ETS1: variants seen among roughly 807,000 people sequenced by gnomAD.
The protein encoded by ETS1 is ETS proto-oncogene 1, transcription factor.
Under a neutral mutation model 58.6 loss-of-function variants are expected in ETS1, and 15 were observed. That is an observed-to-expected ratio of 0.26 (90% CI 0.17 to 0.39). The LOEUF is 0.39. Ranked by LOEUF, ETS1 falls within the 10% of genes least tolerant of loss-of-function variation. The probability of loss-of-function intolerance (pLI) is 1.00; values close to 1 mark genes in which losing one functional copy is unlikely to be tolerated. For missense variants in ETS1, 417 were observed against 610.5 expected, an observed-to-expected ratio of 0.68 and a Z score of 3.34; for synonymous variants, 214 against 218.2, an observed-to-expected ratio of 0.98 and a Z score of 0.17.
intron 3 of ETS1, among the ~76,000 whole-genome samples, chr11:128,509,680 A>G (rs1378043302): frequency 6.6e-6 from 1 of 152,034 alleles, no homozygotes. Flanking sequence ...CACATCACAC[A>G]GAAGAATGTG....
chr11:128,478,044 A>C (rs1363265291), intron 8 of ETS1, among the ~76,000 whole-genome samples: 1 of 152,222 alleles, frequency 6.6e-6, no homozygotes. Context: ...TGTTTTCTGG[A>C]CTATTATTCT....
chr11:128,576,814 C>T (rs760107916), intron 1 of ETS1, among the ~76,000 whole-genome samples: 13 of 152,066 alleles, frequency 8.5e-5, no homozygotes, highest in South Asian at 6.2e-4. Flanking sequence ...CATGTTACCC[C>T]CTCTGCTAGG....
At chr11:128,539,189 A>G (rs10750400) in intron 3 of ETS1, among the ~76,000 whole-genome samples, 89,568 of 152,126 alleles carry the variant, frequency 0.59, 26,906 homozygotes, top group East Asian at 0.82. Flanking sequence ...ACAAAGAAAA[A>G]ATAGATAAAT....
At chr11:128,466,215 A>G (rs1214325615) in intron 8 of ETS1, among the ~76,000 whole-genome samples, 4 of 152,190 alleles carry the variant, frequency 2.6e-5, no homozygotes, top group African/African-American at 7.2e-5. Context: ...CCATTATGTT[A>G]CATTACTTCA....
At chr11:128,514,906 T>C (rs1394315654) in intron 3 of ETS1, among the ~76,000 whole-genome samples, 2 of 152,228 alleles carry the variant, frequency 1.3e-5, no homozygotes, top group African/African-American at 4.8e-5. Context: ...CGTTCATCTT[T>C]AGTTTTACAA....
At chr11:128,583,166 C>T (rs781653372) in intron 1 of ETS1, among the ~76,000 whole-genome samples, 9 of 152,192 alleles carry the variant, frequency 5.9e-5, no homozygotes, top group Non-Finnish European at 1.2e-4. Context: ...AGCAAGGCAG[C>T]GCTGGACTAA....
At chr11:128,560,412 C>T (rs1000212773) in intron 2 of ETS1, among the ~76,000 whole-genome samples, 1 of 152,186 alleles carries the variant, frequency 6.6e-6, no homozygotes, top group African/African-American at 2.4e-5. Context: ...CGCGCCCGGC[C>T]GAGATGGTCA....
chr11:128,566,578 T>G (rs962693927), intron 2 of ETS1, among the ~76,000 whole-genome samples: 3 of 151,982 alleles, frequency 2.0e-5, no homozygotes, highest in African/African-American at 7.2e-5. Flanking sequence ...GGTCAGGAGA[T>G]CGAGACCATC....
At chr11:128,543,362 C>G (rs534603621) in intron 3 of ETS1, among the ~76,000 whole-genome samples, 1 of 152,222 alleles carries the variant, frequency 6.6e-6, no homozygotes, top group South Asian at 2.1e-4. Flanking sequence ...TTCTCTCCCC[C>G]ATCTTTGCAG....
chr11:128,521,965 A>G (rs1221898538), intron 3 of ETS1: 5 of 1,603,156 alleles, frequency 3.1e-6, no homozygotes, highest in Non-Finnish European at 4.3e-6. Flanking sequence ...TGATGGTGAG[A>G]GTCGGCTTGA....
At chr11:128,503,053 G>A (rs367762544) in intron 3 of ETS1, among the ~76,000 whole-genome samples, 2 of 152,224 alleles carry the variant, frequency 1.3e-5, no homozygotes, top group African/African-American at 2.4e-5. Context: ...TCAACAAAGA[G>A]ATCCCCTGAG....
intron 1 of ETS1, among the ~76,000 whole-genome samples, chr11:128,583,562 G>C (rs757396912): frequency 6.6e-6 from 1 of 152,078 alleles, no homozygotes; most frequent in Non-Finnish European, 1.5e-5. Flanking sequence ...AGACTCACAT[G>C]TTTTGGAAAC....
chr11:128,556,240 C>G, intron 3 of ETS1, 51 bp downstream of exon 3: 1 of 1,510,224 alleles, frequency 6.6e-7, no homozygotes, highest in Non-Finnish European at 9.0e-7. Flanking sequence ...CATCACATTT[C>G]CATTGTCCTT....
rs531860896 is a variant in ETS1 at position 128,491,956 on chromosome 11, T to A, written c.215-1380A>T. Among the ~76,000 whole-genome samples the A allele has an allele frequency of 9.8e-5, 15 of 152,366 alleles. No individual in the cohort carries two copies. The South Asian group carries it at 3.1e-3, about 32-fold the overall frequency. ...CTGTATTTGCAGACCATGTTCACGA[T>A]GTTGGTACATAAATACAGCTGAACG... is the stretch of plus-strand genomic sequence containing the variant. On this transcript the variant is annotated intron_variant, in intron 3 of 9. Coordinates refer to ENST00000392668, the MANE Select transcript of ETS1 (RefSeq NM_001143820.2).
intron 3 of ETS1, among the ~76,000 whole-genome samples, chr11:128,507,360 G>A (rs1863269700): frequency 6.6e-6 from 1 of 152,180 alleles, no homozygotes; most frequent in Non-Finnish European, 1.5e-5. Flanking sequence ...TCAGCGACGG[G>A]TGGTGTGGCA....
At chr11:128,500,509 C>T (rs1319373341) in intron 3 of ETS1, among the ~76,000 whole-genome samples, 2 of 151,950 alleles carry the variant, frequency 1.3e-5, no homozygotes, top group Non-Finnish European at 2.9e-5. Context: ...GAAGCTGAAA[C>T]CCCACATGTC....
intron 2 of ETS1, among the ~76,000 whole-genome samples, chr11:128,571,466 C>G (rs1864628352): frequency 8.1e-6 from 1 of 123,444 alleles, no homozygotes; most frequent in Non-Finnish European, 1.6e-5. Context: ...CAGAGCGAGA[C>G]TCCGTCCAGC....
At chr11:128,486,722 C>T (rs184006215) in intron 5 of ETS1, among the ~76,000 whole-genome samples, 1 of 152,194 alleles carries the variant, frequency 6.6e-6, no homozygotes, top group East Asian at 1.9e-4. Context: ...TGCGACTGCG[C>T]TTGTGTCAAG....
intron 2 of ETS1, among the ~76,000 whole-genome samples, chr11:128,568,535 A>C (rs1470575136): frequency 6.6e-6 from 1 of 152,240 alleles, no homozygotes; most frequent in African/African-American, 2.4e-5. Context: ...CAATGACCAG[A>C]CAACTTCCCA....
Sources: allele counts gnomAD v4.1 joint callset (sites outside exome capture counted in the v4.1 genomes callset), GRCh38; gene constraint gnomAD v4.1.1; transcripts MANE v1.5; gene names NCBI Gene and HGNC (gene_info 2026-07-23, HGNC 2026-07-21).